Variants in NTRK2 observed in about 807,000 individuals in gnomAD.
NTRK2 encodes the protein BDNF/NT-3 growth factors receptor.
Under a neutral mutation model 94.5 loss-of-function variants are expected in NTRK2, and 13 were observed. The observed-to-expected ratio is 0.14, with a 90% CI of 0.09 to 0.22. The LOEUF (loss-of-function observed/expected upper bound fraction) is 0.22. Ranked by LOEUF, NTRK2 falls within the 10% of genes least tolerant of loss-of-function variation. NTRK2 has a pLI of 1.00. For synonymous variants in NTRK2, 372 were observed against 407.4 expected (o/e 0.91, Z 1.05); for missense variants, 639 against 1,071.2 (o/e 0.60, Z 5.63).
At chr9:84,992,415 G>C (rs1003095113) in intron 17 of NTRK2, among the ~76,000 whole-genome samples, 2 of 152,050 alleles carry the variant, frequency 1.3e-5, no homozygotes, top group African/African-American at 2.4e-5. Flanking sequence ...TACTCCACTA[G>C]AGTGTTCCTG....
At chr9:84,850,378 A>G (rs2074702401) in intron 12 of NTRK2, among the ~76,000 whole-genome samples, 1 of 152,196 alleles carries the variant, frequency 6.6e-6, no homozygotes, top group South Asian at 2.1e-4. Flanking sequence ...TTTCGAATGA[A>G]TTAATAGGAA....
intron 17 of NTRK2, among the ~76,000 whole-genome samples, chr9:84,973,074 G>A (rs1176668837): frequency 6.6e-6 from 1 of 152,042 alleles, no homozygotes; most frequent in Non-Finnish European, 1.5e-5. Context: ...AAAAAGTCTT[G>A]GTATCTCATT....
chr9:84,949,418 A>G (rs2078703542), intron 16 of NTRK2, among the ~76,000 whole-genome samples: 1 of 151,796 alleles, frequency 6.6e-6, no homozygotes, highest in Non-Finnish European at 1.5e-5. Context: ...TGTCATTTGA[A>G]TTTCTAGCAT....
intron 17 of NTRK2, among the ~76,000 whole-genome samples, chr9:84,982,317 G>T (rs1827725821): frequency 6.6e-6 from 1 of 152,174 alleles, no homozygotes; most frequent in South Asian, 2.1e-4. Context: ...ATTTTTCTCA[G>T]CAGGAGGATC....
At chr9:84,725,063 C>G (rs1156765433) in intron 8 of NTRK2, among the ~76,000 whole-genome samples, 1 of 152,254 alleles carries the variant, frequency 6.6e-6, no homozygotes. Flanking sequence ...TATATAGACA[C>G]TTCACGTCAT....
intron 12 of NTRK2, among the ~76,000 whole-genome samples, chr9:84,795,040 T>C (rs751242617): frequency 3.3e-5 from 5 of 152,174 alleles, no homozygotes; most frequent in Admixed American, 6.5e-5. Context: ...CCTTGAGCTC[T>C]CAGCTCTGTC....
At chr9:84,809,970 T>C (rs1428186074) in intron 12 of NTRK2, among the ~76,000 whole-genome samples, 1 of 152,020 alleles carries the variant, frequency 6.6e-6, no homozygotes, top group Non-Finnish European at 1.5e-5. Context: ...TAGCCAGTTC[T>C]CTGGGCCAGT....
intron 8 of NTRK2, among the ~76,000 whole-genome samples, chr9:84,727,240 T>C (rs930849323): frequency 6.6e-6 from 1 of 152,224 alleles, no homozygotes; most frequent in African/African-American, 2.4e-5. Context: ...AGAAGTGCTA[T>C]CAAAAAGTAT....
intron 17 of NTRK2, among the ~76,000 whole-genome samples, chr9:84,998,757 T>C (rs1305865921): frequency 6.6e-6 from 1 of 152,204 alleles, no homozygotes; most frequent in African/African-American, 2.4e-5. Flanking sequence ...TTATGTCTTA[T>C]AATTTGATTC....
At chr9:84,966,557 G>A (rs1174098165) in intron 17 of NTRK2, among the ~76,000 whole-genome samples, 2 of 152,114 alleles carry the variant, frequency 1.3e-5, no homozygotes, top group South Asian at 2.1e-4. Flanking sequence ...TCAGCCTCCC[G>A]AGCAGCTGGG....
At chr9:84,681,008 C>T (rs1043017260) in intron 2 of NTRK2, among the ~76,000 whole-genome samples, 2 of 152,164 alleles carry the variant, frequency 1.3e-5, no homozygotes, top group Non-Finnish European at 2.9e-5. Flanking sequence ...TTTCTCTGCT[C>T]TTAAAAACAG....
intron 17 of NTRK2, among the ~76,000 whole-genome samples, chr9:84,997,824 A>T (rs1829925147): frequency 6.6e-6 from 1 of 152,014 alleles, no homozygotes; most frequent in South Asian, 2.1e-4. Flanking sequence ...GAAGGAAGAG[A>T]TATGGAGTCT....
chr9:84,725,445 T>A (rs1293025351), intron 8 of NTRK2, among the ~76,000 whole-genome samples: 12 of 152,120 alleles, frequency 7.9e-5, no homozygotes, highest in Admixed American at 7.9e-4. Context: ...AATCAGCACC[T>A]AACCCAAAAT....
intron 14 of NTRK2, among the ~76,000 whole-genome samples, chr9:84,918,382 G>T (rs1482249038): frequency 6.6e-6 from 1 of 152,188 alleles, no homozygotes; most frequent in Non-Finnish European, 1.5e-5. Flanking sequence ...GTCTTCACCT[G>T]CATGTCCTTG....
intron 15 of NTRK2, among the ~76,000 whole-genome samples, chr9:84,941,476 C>T (rs904814414): frequency 6.6e-6 from 1 of 152,186 alleles, no homozygotes; most frequent in Non-Finnish European, 1.5e-5. Context: ...GTGCATTTCA[C>T]TCTAATGAGG....
chr9:85,022,621 C>G lies in NTRK2; in HGVS notation c.*1184C>G. On this transcript the variant is annotated 3_prime_UTR_variant, in exon 19 of 19. Transcript: ENST00000277120. Reference sequence around the variant, plus strand: ...CCACCCGTCCTTTTAACTGTGCAAGCAAAATTGTGCATGGTCTTCGTCGAT... The same window carrying G: ...CCACCCGTCCTTTTAACTGTGCAAGGAAAATTGTGCATGGTCTTCGTCGAT... The G allele has an allele frequency of 4.3e-6, 1 of 233,242 alleles. No homozygotes were observed. Among genetic ancestry groups the G allele is most frequent in the Non-Finnish European group, 8.5e-6 (1 of 118,024 alleles). 14.4% of individuals were successfully genotyped at this position (233,242 alleles called of 1,614,324 possible).
At chr9:84,986,790 G>A (rs1828368418) in intron 17 of NTRK2, among the ~76,000 whole-genome samples, 1 of 152,238 alleles carries the variant, frequency 6.6e-6, no homozygotes, top group Admixed American at 6.5e-5. Context: ...ACAGAAGGTG[G>A]CCTTTGCCCA....
chr9:84,993,415 A>T (rs1471406625), intron 17 of NTRK2, among the ~76,000 whole-genome samples: 1 of 152,014 alleles, frequency 6.6e-6, no homozygotes, highest in Non-Finnish European at 1.5e-5. Flanking sequence ...AGTGCTTCCT[A>T]TCTCAGTGAA....
chr9:84,972,960 C>T (rs895762309), intron 17 of NTRK2, among the ~76,000 whole-genome samples: 1 of 152,238 alleles, frequency 6.6e-6, no homozygotes, highest in African/African-American at 2.4e-5. Context: ...TCTCCCTACG[C>T]TCTCCATTGA....
Sources: gnomAD v4.1 joint callset for allele counts (sites outside exome capture counted in the v4.1 genomes callset) on GRCh38, gnomAD v4.1.1 for gene constraint, MANE v1.5 for transcripts, NCBI Gene and HGNC (gene_info 2026-07-23, HGNC 2026-07-21) for gene names.